Variants in CYTH3 observed in about 807,000 individuals in gnomAD.
CYTH3 encodes the protein cytohesin 3, also known as cytohesin-3.
Under a neutral mutation model 55.1 loss-of-function variants are expected in CYTH3, and 23 were observed. That is an observed-to-expected ratio of 0.42 (90% CI 0.30 to 0.59). CYTH3 has a LOEUF of 0.59. Ranked by LOEUF, CYTH3 falls within the 20% of genes least tolerant of loss-of-function variation. The pLI is 0.20. For synonymous variants in CYTH3, 249 were observed against 194.9 expected (o/e 1.28, Z -2.31); for missense variants, 413 against 524.8 (o/e 0.79, Z 2.08).
intron 1 of CYTH3, among the ~76,000 whole-genome samples, chr7:6,198,817 G>A (rs78632021): frequency 0.025 from 3,797 of 151,608 alleles, 165 homozygotes; most frequent in African/African-American, 0.087. Flanking sequence ...TCACTGGTCT[G>A]GCATGAAATC....
chr7:6,265,897 T>C (rs1044515721), intron 1 of CYTH3, among the ~76,000 whole-genome samples: 1 of 151,808 alleles, frequency 6.6e-6, no homozygotes, highest in Non-Finnish European at 1.5e-5. Context: ...CACCACAATA[T>C]ACTGAGATGG....
At chr7:6,179,101 C>T (rs1025335220) in intron 4 of CYTH3, among the ~76,000 whole-genome samples, 4 of 152,242 alleles carry the variant, frequency 2.6e-5, no homozygotes, top group Non-Finnish European at 2.9e-5. Context: ...AACACACGAA[C>T]GTCCACAGCA....
At chr7:6,213,390 C>A (rs1206066208) in intron 1 of CYTH3, among the ~76,000 whole-genome samples, 1 of 152,166 alleles carries the variant, frequency 6.6e-6, no homozygotes, top group East Asian at 1.9e-4. Context: ...ACCTCCAACA[C>A]CATTTTAGGA....
chr7:6,259,805 ATATATATAAT>A (rs1418386678), intron 1 of CYTH3, among the ~76,000 whole-genome samples: 18 of 25,690 alleles, frequency 7.0e-4, no homozygotes, highest in East Asian at 3.1e-3. Context: ...ATATATATAT[ATATATATAAT>A]ATATATATAT....
At chr7:6,239,865 T>C (rs965730946) in intron 1 of CYTH3, among the ~76,000 whole-genome samples, 1 of 152,234 alleles carries the variant, frequency 6.6e-6, no homozygotes, top group African/African-American at 2.4e-5. Context: ...GTAACAGACT[T>C]GAACAAATAA....
chr7:6,202,750 T>C (rs767711854), intron 1 of CYTH3, among the ~76,000 whole-genome samples: 74 of 152,102 alleles, frequency 4.9e-4, no homozygotes, highest in Non-Finnish European at 7.5e-4. Flanking sequence ...TGAGCCACCG[T>C]GCCCAGCCAG....
At chr7:6,268,568 T>C (rs1293676692) in intron 1 of CYTH3, among the ~76,000 whole-genome samples, 2 of 152,212 alleles carry the variant, frequency 1.3e-5, no homozygotes, top group African/African-American at 4.8e-5. Context: ...ATTAACCATC[T>C]GGGCATGGAT....
At chr7:6,226,606 TAA>T (rs1226552292) in intron 1 of CYTH3, among the ~76,000 whole-genome samples, 3 of 152,218 alleles carry the variant, frequency 2.0e-5, no homozygotes, top group Non-Finnish European at 4.4e-5. Context: ...ACTTTTTAGT[TAA>T]GTTACTTCCC....
Position 6,171,081 on chromosome 7 carries a change from G to A in CYTH3, c.563-103C>T. On this transcript the variant is annotated intron_variant, in intron 7 of 12. Transcript: ENST00000350796. This position sits in a 1 kb window ranked among gnomAD's most constrained non-coding sequence, Gnocchi z 6.7. ...GCAAGAGGTGCCCGGCCCACAGGTC[G>A]TCCTCGCTCAGGGAAGGCAGGTCCC... 1.3e-6 allele frequency: 2 copies of A among 1,585,462 alleles called. No homozygotes were observed. The highest frequency in any genetic ancestry group is 1.7e-6 in the Non-Finnish European group (2 of 1,159,110).
At chr7:6,176,965 GAGA>G (rs1783367924) in intron 5 of CYTH3, among the ~76,000 whole-genome samples, 1 of 152,248 alleles carries the variant, frequency 6.6e-6, no homozygotes, top group South Asian at 2.1e-4. Flanking sequence ...TGTATTTGTT[GAGA>G]AGATCATGTG....
At position 6,171,683 on chromosome 7, in the gene CYTH3, G is replaced by A. The variant is rs111739025; in HGVS notation, c.450-369C>T. On this transcript the variant is annotated intron_variant, in intron 6 of 12. Coordinates refer to ENST00000350796, the MANE Select transcript of CYTH3 (RefSeq NM_004227.4). The surrounding 1 kb of genome is among the most constrained non-coding windows in gnomAD (Gnocchi z 6.7). ...TGCCTGTCCCGAGCTGCCACCAGCCGGTCCTCCTTTCAGAACTCCCACACA... is the reference window on the plus strand; with the variant it reads ...TGCCTGTCCCGAGCTGCCACCAGCCAGTCCTCCTTTCAGAACTCCCACACA... 10 of 260,098 alleles carry A rather than the reference G, an allele frequency of 3.8e-5. No individual in the cohort carries two copies. Among genetic ancestry groups the A allele is most frequent in the African/African-American group, 6.5e-5 (3 of 45,846 alleles). 16.1% of individuals were successfully genotyped at this position (260,098 alleles called of 1,614,324 possible).
intron 1 of CYTH3, among the ~76,000 whole-genome samples, chr7:6,221,867 A>G (rs6957772): frequency 1.6e-3 from 251 of 152,296 alleles, no homozygotes; most frequent in African/African-American, 5.5e-3. Context: ...TGGGAGGATC[A>G]TTTGAAGCCT....
chr7:6,230,900 T>G (rs563334225), intron 1 of CYTH3, among the ~76,000 whole-genome samples: 19 of 152,352 alleles, frequency 1.2e-4, no homozygotes, highest in African/African-American at 4.6e-4. Context: ...TAAGAGCCTG[T>G]ACTTACACAA....
intron 1 of CYTH3, among the ~76,000 whole-genome samples, chr7:6,259,757 T>TATAA (rs1554255069): frequency 2.7e-5 from 1 of 37,464 alleles, no homozygotes; most frequent in South Asian, 8.4e-4. Flanking sequence ...TATATATATA[T>TATAA]TATATATATA....
chr7:6,193,698 G>A (rs560759674), intron 1 of CYTH3, among the ~76,000 whole-genome samples: 1 of 152,288 alleles, frequency 6.6e-6, no homozygotes, highest in East Asian at 1.9e-4. Flanking sequence ...TGGTTGAAAG[G>A]CTCTTTGAAA....
intron 4 of CYTH3, among the ~76,000 whole-genome samples, chr7:6,179,849 A>G (rs1008286535): frequency 9.9e-6 from 1 of 101,426 alleles, no homozygotes; most frequent in Non-Finnish European, 1.9e-5. Flanking sequence ...ACACCACACC[A>G]CAGACACACC....
chr7:6,213,352 T>A (rs1784362045), intron 1 of CYTH3, among the ~76,000 whole-genome samples: 1 of 152,188 alleles, frequency 6.6e-6, no homozygotes, highest in African/African-American at 2.4e-5. Flanking sequence ...TGTTGCATGG[T>A]ATAGAAAAGA....
chr7:6,268,304 AT>A (rs1780559919), intron 1 of CYTH3, among the ~76,000 whole-genome samples: 1 of 152,132 alleles, frequency 6.6e-6, no homozygotes, highest in South Asian at 2.1e-4. Flanking sequence ...CGTAGCTGAG[AT>A]TACAGGCACG....
intron 2 of CYTH3, 100 bp from the exon 3 acceptor site, chr7:6,187,821 C>A: frequency 1.1e-6 from 1 of 928,956 alleles, no homozygotes; most frequent in South Asian, 1.3e-5. Flanking sequence ...TCCCTGCGGT[C>A]TCACCGGAGC....
Sources: gnomAD v4.1 joint callset for allele counts (sites outside exome capture counted in the v4.1 genomes callset) on GRCh38, gnomAD v4.1.1 for gene constraint, Gnocchi (gnomAD v3.1) non-coding constraint, MANE v1.5 for transcripts, NCBI Gene and HGNC (gene_info 2026-07-23, HGNC 2026-07-21) for gene names.